The following NCOR2 variants were observed in gnomAD, a reference collection of about 807,000 sequenced individuals.
NCOR2 encodes the protein nuclear receptor corepressor 2, also known as CTG repeat protein 26.
Under a neutral mutation model 262.9 loss-of-function variants are expected in NCOR2, and 81 were observed. That is an observed-to-expected ratio of 0.31 (90% CI 0.26 to 0.37). The LOEUF is 0.37. NCOR2 is among the 10% of genes least tolerant of loss of function. The pLI is 1.00. For missense variants in NCOR2, 3,385 were observed against 3,621.4 expected (o/e 0.93, Z 1.68); for synonymous variants, 1,659 against 1,559.3 (o/e 1.06, Z -1.51).
In NCOR2 at chr12:124,363,667, G is replaced by T. The variant is rs368775597; in HGVS notation, c.2928+12C>A. On this transcript the variant is annotated intron_variant, in intron 21 of 46. Coordinates refer to ENST00000405201, the Ensembl canonical transcript of NCOR2. The stretch of plus-strand genomic sequence containing the variant: ...GGGTGGACTCTGTGGGGCTCTGGGG[G>T]TGGGCACTCACGATGGGGGGGATGG... The T allele has an allele frequency of 7.3e-7, 1 of 1,370,644 alleles. No individual in the cohort carries two copies. The highest frequency in any genetic ancestry group is 1.5e-5 in the African/African-American group (1 of 67,072). The allele number at this position is 1,370,644 out of a possible 1,614,324, so 84.9% of individuals were successfully genotyped here.
intron 1 of NCOR2, among the ~76,000 whole-genome samples, chr12:124,505,070 A>G (rs921621265): frequency 1.3e-5 from 2 of 152,204 alleles, no homozygotes; most frequent in African/African-American, 2.4e-5. Context: ...GGGGAAACTG[A>G]GGTTCCAGCC....
At chr12:124,535,889 G>GAAAA (rs1234995398), upstream of NCOR2, among the ~76,000 whole-genome samples, 51 of 123,392 alleles carry the variant, frequency 4.1e-4, no homozygotes, top group African/African-American at 1.5e-3. Flanking sequence ...GGGTTTAAAG[G>GAAAA]CATCCCACAC....
chr12:124,466,967 C>G (rs1325466550), intron 4 of NCOR2, among the ~76,000 whole-genome samples: 5 of 151,488 alleles, frequency 3.3e-5, no homozygotes, highest in African/African-American at 1.2e-4. Flanking sequence ...TCCTCATCCT[C>G]ATCACCCCCA....
intron 32 of NCOR2, among the ~76,000 whole-genome samples, chr12:124,343,466 T>TC (rs1175673812): frequency 1.5e-4 from 23 of 152,374 alleles, no homozygotes; most frequent in African/African-American, 5.5e-4. Context: ...ATGCAGCCTC[T>TC]ACTACGTGGC....
chr12:124,366,790 T>C (rs550797107), intron 20 of NCOR2, among the ~76,000 whole-genome samples: 24 of 152,312 alleles, frequency 1.6e-4, no homozygotes, highest in African/African-American at 5.8e-4. Flanking sequence ...AGAGCTAGGA[T>C]TGCAGGTGTG....
chr12:124,363,587 T>C (rs1375697945), intron 21 of NCOR2, 92 bp downstream of exon 23: 7 of 1,153,080 alleles, frequency 6.1e-6, no homozygotes, highest in Non-Finnish European at 8.0e-6. Context: ...AGGCTGCAGG[T>C]GCATGCTCCC....
At chr12:124,350,347 T>G (rs1277568452) in intron 28 of NCOR2, among the ~76,000 whole-genome samples, 1 of 152,190 alleles carries the variant, frequency 6.6e-6, no homozygotes, top group Non-Finnish European at 1.5e-5. Flanking sequence ...CCTCCTATGC[T>G]TCTAAAAAGG....
chr12:124,422,637 C>T lies in NCOR2; in HGVS notation c.1329-82G>A, dbSNP rs1565928732. 18 of 1,548,194 alleles carry T rather than the reference C, an allele frequency of 1.2e-5. No homozygotes were observed. In the South Asian group the frequency reaches 1.9e-4, roughly 17 times the overall value. ...CAGCCGATCGGCTCCCAGGCGCCTG[C>T]CATCCCCACTGGCCGGGCCTGGCGG... On this transcript the variant is annotated intron_variant, in intron 11 of 46. Transcript: ENST00000405201.
chr12:124,413,727 C>T (rs888381937), intron 13 of NCOR2, among the ~76,000 whole-genome samples: 2 of 152,010 alleles, frequency 1.3e-5, no homozygotes, highest in Non-Finnish European at 2.9e-5. Context: ...AGACGCAGAG[C>T]GGGAGACAGA....
chr12:124,367,035 T>A (rs1175708203), intron 20 of NCOR2, among the ~76,000 whole-genome samples: 1 of 152,244 alleles, frequency 6.6e-6, no homozygotes, highest in Non-Finnish European at 1.5e-5. Context: ...CGTTTGTATA[T>A]GTGTAAAGAT....
At chr12:124,347,940 C>A in intron 29 of NCOR2, 29 bp from the exon 32 acceptor site, 1 of 1,550,042 alleles carries the variant, frequency 6.5e-7, no homozygotes, top group Admixed American at 2.0e-5. Context: ...GGCCATCATT[C>A]CGTGGCTCCC....
At chr12:124,358,282 T>C (rs1423437550) in intron 22 of NCOR2, among the ~76,000 whole-genome samples, 1 of 147,174 alleles carries the variant, frequency 6.8e-6, no homozygotes, top group African/African-American at 2.6e-5. Context: ...ACCTGTGATG[T>C]GTGTATGTGC....
chr12:124,350,803 G>T, intron 27 of NCOR2, 66 bp from the exon 30 acceptor site: 1 of 1,536,662 alleles, frequency 6.5e-7, no homozygotes, highest in South Asian at 1.2e-5. Context: ...CTCAAATGCA[G>T]GCAAAGACGT....
At chr12:124,396,172 T>C (rs981662310) in intron 16 of NCOR2, among the ~76,000 whole-genome samples, 4 of 151,510 alleles carry the variant, frequency 2.6e-5, no homozygotes, top group Admixed American at 6.6e-5. Flanking sequence ...CAGGGGCTGG[T>C]AGGGCTGGGG....
intron 28 of NCOR2, among the ~76,000 whole-genome samples, chr12:124,349,952 C>T (rs2135884365): frequency 6.6e-6 from 1 of 152,316 alleles, no homozygotes; most frequent in Non-Finnish European, 1.5e-5. Context: ...CCACCTCCAC[C>T]TCCCAGGCCT....
chr12:124,419,369 T>C (rs1487969026), intron 13 of NCOR2, among the ~76,000 whole-genome samples: 4 of 152,188 alleles, frequency 2.6e-5, no homozygotes, highest in Non-Finnish European at 5.9e-5. Context: ...CATGGCTGTG[T>C]TCCAATAAAA....
chr12:124,567,529 G>A (rs1427235996), upstream of NCOR2: 1 of 146,404 alleles, frequency 6.8e-6, no homozygotes, highest in Admixed American at 6.8e-5. Flanking sequence ...CAGGGCTCGG[G>A]CGGGGCGCCG....
intron 13 of NCOR2, among the ~76,000 whole-genome samples, chr12:124,412,471 C>T (rs1433039081): frequency 4.6e-5 from 7 of 152,208 alleles, no homozygotes; most frequent in African/African-American, 7.2e-5. Flanking sequence ...GCTGGACTGG[C>T]CAGACCTCCC....
chr12:124,533,273 G>A (rs2050944145), intron 1 of NCOR2, among the ~76,000 whole-genome samples: 1 of 151,994 alleles, frequency 6.6e-6, no homozygotes, highest in African/African-American at 2.4e-5. Context: ...ACTCCCCCGA[G>A]GTAACTCAGA....
Sources: gnomAD v4.1 joint callset for allele counts (sites outside exome capture counted in the v4.1 genomes callset) on GRCh38, gnomAD v4.1.1 for gene constraint, MANE v1.5 for transcripts, NCBI Gene and HGNC (gene_info 2026-07-23, HGNC 2026-07-21) for gene names.